Variants in ADGRL2 observed in about 807,000 individuals in gnomAD.
ADGRL2 encodes the protein adhesion G protein-coupled receptor L2.
ADGRL2 carries 44 observed loss-of-function variants against 157.4 expected under a neutral mutation model. The ratio of observed to expected loss-of-function variants is 0.28; its 90% CI spans 0.22 to 0.36. The LOEUF is 0.36. ADGRL2 is among the 10% of genes least tolerant of loss of function. ADGRL2 has a pLI of 1.00. For missense variants in ADGRL2, 1,510 were observed against 1,768.9 expected (o/e 0.85, Z 2.63); for synonymous variants, 585 against 624.7 (o/e 0.94, Z 0.95).
intron 3 of ADGRL2, among the ~76,000 whole-genome samples, chr1:81,677,370 C>T (rs975852475): frequency 1.3e-5 from 2 of 152,196 alleles, no homozygotes; most frequent in Admixed American, 1.3e-4. Flanking sequence ...ACTGTCTTAA[C>T]TTTCCTGAGC....
chr1:81,690,713 G>C (rs572816246), intron 3 of ADGRL2, among the ~76,000 whole-genome samples: 4 of 152,156 alleles, frequency 2.6e-5, no homozygotes, highest in African/African-American at 9.6e-5. Flanking sequence ...TCATTTCTTT[G>C]TAAATTTTTC....
intron 1 of ADGRL2, among the ~76,000 whole-genome samples, chr1:81,408,848 A>T (rs902101527): frequency 6.6e-6 from 1 of 152,220 alleles, no homozygotes. Flanking sequence ...TTAAGCGTTC[A>T]TTAGTTTACA....
chr1:81,797,438 T>C (rs781367002), upstream of ADGRL2, among the ~76,000 whole-genome samples: 1 of 152,118 alleles, frequency 6.6e-6, no homozygotes, highest in Non-Finnish European at 1.5e-5. Flanking sequence ...TTAATGGCAG[T>C]TTTTGGCCTA....
At chr1:81,515,579 T>G (rs1416419777) in intron 2 of ADGRL2, among the ~76,000 whole-genome samples, 1 of 152,210 alleles carries the variant, frequency 6.6e-6, no homozygotes, top group Non-Finnish European at 1.5e-5. Flanking sequence ...TGTGGGCTCT[T>G]TTATAGTTTT....
chr1:81,459,983 A>G (rs1382491967), intron 2 of ADGRL2, among the ~76,000 whole-genome samples: 2 of 151,898 alleles, frequency 1.3e-5, no homozygotes, highest in Non-Finnish European at 2.9e-5. Context: ...AAGGGTTTCA[A>G]TTTCTCCAGA....
chr1:81,586,737 G>A (rs1174739608), intron 3 of ADGRL2, among the ~76,000 whole-genome samples: 1 of 152,050 alleles, frequency 6.6e-6, no homozygotes, highest in Non-Finnish European at 1.5e-5. Context: ...CAGAGAGGAA[G>A]TTATGAAGGA....
intron 1 of ADGRL2, among the ~76,000 whole-genome samples, chr1:81,706,045 A>G (rs2083724454): frequency 6.6e-6 from 1 of 152,060 alleles, no homozygotes; most frequent in African/African-American, 2.4e-5. Flanking sequence ...CTAAAAATAC[A>G]AAAATTAGCT....
intron 3 of ADGRL2, among the ~76,000 whole-genome samples, chr1:81,935,751 A>G (rs1235985055): frequency 1.3e-5 from 2 of 151,776 alleles, no homozygotes; most frequent in Non-Finnish European, 2.9e-5. Context: ...TCATTAGGTT[A>G]TAATCAAATC....
chr1:81,471,124 T>A (rs538367463), intron 2 of ADGRL2, among the ~76,000 whole-genome samples: 4 of 152,250 alleles, frequency 2.6e-5, no homozygotes, highest in African/African-American at 9.6e-5. Context: ...GATTGGGAGG[T>A]AGGTAGAACT....
intron 2 of ADGRL2, among the ~76,000 whole-genome samples, chr1:81,879,770 G>C (rs908280026): frequency 2.0e-5 from 3 of 152,116 alleles, no homozygotes; most frequent in African/African-American, 7.2e-5. Flanking sequence ...CTAGCACTTT[G>C]GGAGGCCGAG....
At chr1:81,725,328 A>C (rs12129968) in intron 1 of ADGRL2, among the ~76,000 whole-genome samples, 9,954 of 151,984 alleles carry the variant, frequency 0.065, 434 homozygotes, top group South Asian at 0.14. Context: ...TCACAAGGTC[A>C]GGAATTTGAG....
rs867921465 is a variant in ADGRL2 at position 81,607,989 on chromosome 1, C to A, written c.-143+27009C>A. Among the ~76,000 whole-genome samples, 52 of 152,272 alleles carry A rather than the reference C, an allele frequency of 3.4e-4. No individual in the cohort carries two copies. In the Middle Eastern group the frequency reaches 0.027, roughly 80 times the overall value. ...ACTCATGAACCTTACTAAAGCGAAA[C>A]ACCTTCATAATATTTCTCTGAGGGC... On this transcript the variant is annotated intron_variant, in intron 3 of 24. Transcript: ENST00000370721.
intron 3 of ADGRL2, among the ~76,000 whole-genome samples, chr1:81,635,826 C>T (rs2082104440): frequency 6.6e-6 from 1 of 152,202 alleles, no homozygotes; most frequent in African/African-American, 2.4e-5. Flanking sequence ...TTAAAGAGCT[C>T]CCTGTCCCTT....
intron 3 of ADGRL2, among the ~76,000 whole-genome samples, chr1:81,589,016 T>A (rs2081080694): frequency 6.6e-6 from 1 of 151,872 alleles, no homozygotes; most frequent in Non-Finnish European, 1.5e-5. Flanking sequence ...TTGAGTGGAG[T>A]TCTTATTTTT....
At chr1:81,960,627 A>G (rs1177373545) in intron 11 of ADGRL2, among the ~76,000 whole-genome samples, 1 of 152,074 alleles carries the variant, frequency 6.6e-6, no homozygotes, top group Non-Finnish European at 1.5e-5. Flanking sequence ...GGTGCCTGCC[A>G]TGATGCCCTG....
intron 2 of ADGRL2, among the ~76,000 whole-genome samples, chr1:81,561,660 A>G (rs903034446): frequency 1.7e-4 from 26 of 151,902 alleles, no homozygotes; most frequent in Non-Finnish European, 3.2e-4. Flanking sequence ...GGGTTTCACC[A>G]TGTTGGCCAG....
intron 2 of ADGRL2, among the ~76,000 whole-genome samples, chr1:81,481,621 A>G (rs2078390126): frequency 6.6e-6 from 1 of 152,184 alleles, no homozygotes. Context: ...TAACTAGTCT[A>G]AGTTAATTGA....
chr1:81,418,932 T>A (rs1301230111), intron 1 of ADGRL2, among the ~76,000 whole-genome samples: 1 of 152,210 alleles, frequency 6.6e-6, no homozygotes, highest in East Asian at 1.9e-4. Context: ...CACAATTCTC[T>A]ATACTGAGGT....
chr1:81,815,035 A>G (rs2090253375), intron 1 of ADGRL2, among the ~76,000 whole-genome samples: 1 of 151,652 alleles, frequency 6.6e-6, no homozygotes, highest in Admixed American at 6.6e-5. Context: ...TTTGTCTCTA[A>G]TATTTGTGTG....
Sources: allele counts gnomAD v4.1 joint callset (sites outside exome capture counted in the v4.1 genomes callset), GRCh38; gene constraint gnomAD v4.1.1; transcripts MANE v1.5; gene names NCBI Gene and HGNC (gene_info 2026-07-23, HGNC 2026-07-21).